The following PPA2 variants were observed in gnomAD, a reference collection of about 807,000 sequenced individuals.
The protein encoded by PPA2 is inorganic pyrophosphatase 2, mitochondrial.
Under a neutral mutation model 49.5 loss-of-function variants are expected in PPA2, and 48 were observed. The ratio of observed to expected loss-of-function variants is 0.97; its 90% CI spans 0.77 to 1.23. The LOEUF (loss-of-function observed/expected upper bound fraction) is 1.23, where lower values mean the gene tolerates loss of function less well. Ranked by LOEUF, PPA2 falls within the 50% of genes most tolerant of loss-of-function variation. PPA2 has a pLI of 0.00. For synonymous variants in PPA2, 131 were observed against 139.9 expected (o/e 0.94, Z 0.45); for missense variants, 429 against 410.1 (o/e 1.05, Z -0.40).
Position 105,467,564 on chromosome 4 carries a change from T to C in PPA2, c.157+6330A>G, listed in dbSNP as rs73836260. Reference sequence around the variant, plus strand: ...AGCTTGTACATTATCTGACTTACATTTTAAAAGGATGAAGGTGATTGCTGT... The same window carrying C: ...AGCTTGTACATTATCTGACTTACATCTTAAAAGGATGAAGGTGATTGCTGT... On this transcript the variant is annotated intron_variant, in intron 1 of 11. Coordinates refer to ENST00000341695, the MANE Select transcript of PPA2 (RefSeq NM_176869.3). Among the ~76,000 whole-genome samples, 749 of 152,240 alleles carry C rather than the reference T, an allele frequency of 4.9e-3. 6 individuals are homozygous for C. Among genetic ancestry groups the C allele is most frequent in the African/African-American group, 0.016 (651 of 41,538 alleles).
rs201209617 is a variant in PPA2 at position 105,438,069 on chromosome 4, G to T, written c.442-33C>A. ...TTTTTTTTTAAAAAAAAGCAGAAAT[G>T]TAAGTTAATACTATAATGTACTTTA... On this transcript the variant is annotated intron_variant, in intron 5 of 11. Coordinates refer to ENST00000341695, the MANE Select transcript of PPA2 (RefSeq NM_176869.3). The T allele has an allele frequency of 5.0e-6, 7 of 1,410,988 alleles. No homozygotes were observed. In the East Asian group the frequency reaches 1.4e-4, roughly 28 times the overall value. 87.4% of individuals were successfully genotyped at this position (1,410,988 alleles called of 1,614,324 possible).
intron 1 of PPA2, among the ~76,000 whole-genome samples, chr4:105,471,266 G>A (rs1723511884): frequency 6.6e-6 from 1 of 152,028 alleles, no homozygotes; most frequent in Non-Finnish European, 1.5e-5. Context: ...ATACTAACAG[G>A]GTCAGGGCTG....
intron 1 of PPA2, among the ~76,000 whole-genome samples, chr4:105,460,397 T>C (rs981219825): frequency 6.6e-6 from 1 of 152,168 alleles, no homozygotes; most frequent in Admixed American, 6.5e-5. Context: ...TACGCCATTT[T>C]ACATCAGGGA....
In PPA2 at chr4:105,445,055, T is replaced by C. The variant is rs552757914; in HGVS notation, c.441+1328A>G. Among the ~76,000 whole-genome samples the C allele has an allele frequency of 9.2e-5, 14 of 152,342 alleles. No individual in the cohort carries two copies. The East Asian group carries it at 2.5e-3, about 27-fold the overall frequency. ...ACCCACATTTTCCAGTCACTTATTA[T>C]GAGGCCTTGATGTCACATCTATATC... On this transcript the variant is annotated intron_variant, in intron 5 of 11. Transcript: ENST00000341695.
chr4:105,407,125 C>T (rs1016926895), intron 7 of PPA2: 3 of 112,422 alleles, frequency 2.7e-5, no homozygotes, highest in African/African-American at 1.0e-4. Flanking sequence ...TCGCCACCAG[C>T]AGGAGTGCAC....
chr4:105,449,341 T>C lies in PPA2; in HGVS notation c.321+9A>G. ...ATTTCGGTTTCATATTAATAAAGTA[T>C]ATCGGTACCTCCATTTTAGCATTTG... On this transcript the variant is annotated intron_variant, in intron 4 of 11. Coordinates refer to ENST00000341695, the MANE Select transcript of PPA2 (RefSeq NM_176869.3). 1 of 1,531,560 alleles carries C rather than the reference T, an allele frequency of 6.5e-7. No individual in the cohort carries two copies. Among genetic ancestry groups the C allele is most frequent in the African/African-American group, 1.4e-5 (1 of 72,608 alleles). The allele number at this position is 1,531,560 out of a possible 1,614,324, so 94.9% of individuals were successfully genotyped here.
chr4:105,465,297 C>A (rs749930441), intron 1 of PPA2, among the ~76,000 whole-genome samples: 11 of 152,140 alleles, frequency 7.2e-5, no homozygotes, highest in Non-Finnish European at 1.3e-4. Context: ...TTCTAATTAT[C>A]TTTCTTACAT....
intron 6 of PPA2, among the ~76,000 whole-genome samples, chr4:105,426,343 T>C (rs1022295181): frequency 2.9e-4 from 44 of 152,258 alleles, no homozygotes; most frequent in African/African-American, 1.0e-3. Flanking sequence ...GGACAGTGGG[T>C]GCAGCCCTCG....
At chr4:105,385,669 A>G (rs1194392732) in intron 10 of PPA2, among the ~76,000 whole-genome samples, 3 of 152,130 alleles carry the variant, frequency 2.0e-5, no homozygotes, top group East Asian at 1.9e-4. Flanking sequence ...TTTCTAATTT[A>G]GTGATCTCCA....
chr4:105,391,498 C>T (rs1733920457), intron 9 of PPA2, among the ~76,000 whole-genome samples: 1 of 151,692 alleles, frequency 6.6e-6, no homozygotes, highest in South Asian at 2.1e-4. Flanking sequence ...TGCATCAAGT[C>T]CTGCTATTGA....
intron 6 of PPA2, among the ~76,000 whole-genome samples, chr4:105,428,694 A>G (rs1180895789): frequency 1.3e-5 from 2 of 152,138 alleles, no homozygotes; most frequent in Non-Finnish European, 2.9e-5. Context: ...GGGGAGGGAT[A>G]GCATTAGGAG....
intron 6 of PPA2, among the ~76,000 whole-genome samples, chr4:105,432,009 G>C (rs1723824054): frequency 6.6e-6 from 1 of 152,166 alleles, no homozygotes; most frequent in African/African-American, 2.4e-5. Flanking sequence ...ATAGATACAG[G>C]TGATGGTTGT....
At chr4:105,455,357 G>A (rs1256831236) in intron 2 of PPA2, among the ~76,000 whole-genome samples, 1 of 152,154 alleles carries the variant, frequency 6.6e-6, no homozygotes, top group African/African-American at 2.4e-5. Flanking sequence ...GTAACATAGA[G>A]TTCCTTTTGC....
intron 5 of PPA2, among the ~76,000 whole-genome samples, chr4:105,444,392 A>C (rs1042968834): frequency 1.3e-5 from 2 of 152,242 alleles, no homozygotes; most frequent in African/African-American, 4.8e-5. Context: ...GTACAAGAAA[A>C]GCATCTGCAA....
chr4:105,446,105 A>T, intron 5 of PPA2: 1 of 262,216 alleles, frequency 3.8e-6, no homozygotes, highest in East Asian at 7.2e-5. Flanking sequence ...TTTCACTGAC[A>T]CTTAATAGGC....
chr4:105,425,489 T>G (rs979594102), intron 6 of PPA2, among the ~76,000 whole-genome samples: 2 of 152,122 alleles, frequency 1.3e-5, no homozygotes, highest in Non-Finnish European at 2.9e-5. Flanking sequence ...TTAGTGAACC[T>G]GAAGACACTG....
At chr4:105,465,201 A>T (rs1267422081) in intron 1 of PPA2, among the ~76,000 whole-genome samples, 2 of 152,218 alleles carry the variant, frequency 1.3e-5, no homozygotes, top group African/African-American at 4.8e-5. Flanking sequence ...GGTGTGTGAG[A>T]AGCGTTGTCT....
At chr4:105,426,849 T>C (rs899341270) in intron 6 of PPA2, among the ~76,000 whole-genome samples, 2 of 152,212 alleles carry the variant, frequency 1.3e-5, no homozygotes, top group Non-Finnish European at 2.9e-5. Flanking sequence ...AAGAGAGCAG[T>C]AGTTCTTCCA....
chr4:105,420,533 C>T (rs1723205193), intron 7 of PPA2, among the ~76,000 whole-genome samples: 1 of 152,188 alleles, frequency 6.6e-6, no homozygotes. Context: ...CTGATAGCTG[C>T]CCTCTCCTAA....
Sources: allele counts gnomAD v4.1 joint callset (sites outside exome capture counted in the v4.1 genomes callset), GRCh38; gene constraint gnomAD v4.1.1; transcripts MANE v1.5; gene names NCBI Gene and HGNC (gene_info 2026-07-23, HGNC 2026-07-21).